ARVCF: variants seen among roughly 807,000 people sequenced by gnomAD.
ARVCF encodes ARVCF delta catenin family member.
A neutral mutation model predicts 90.9 loss-of-function variants in ARVCF; 66 were observed. The observed-to-expected ratio is 0.73, with a 90% CI of 0.60 to 0.89. ARVCF has a LOEUF of 0.89. ARVCF is among the 40% of genes least tolerant of loss of function. The probability of loss-of-function intolerance (pLI) is 0.00; values close to 1 mark genes in which losing one functional copy is unlikely to be tolerated. For synonymous variants in ARVCF, 653 were observed against 603.4 expected, an observed-to-expected ratio of 1.08 and a Z score of -1.21; for missense variants, 1,469 against 1,382.3, an observed-to-expected ratio of 1.06 and a Z score of -1.00.
At chr22:19,987,131 G>C (rs7292055) in intron 3 of ARVCF, 1 of 499,484 alleles carries the variant, frequency 2.0e-6, no homozygotes, top group South Asian at 2.8e-5. Context: ...AGCAGCGGGG[G>C]AGGCGGTGGC....
chr22:20,014,627 T>C (rs1462279976), intron 1 of ARVCF, among the ~76,000 whole-genome samples: 1 of 152,118 alleles, frequency 6.6e-6, no homozygotes, highest in Admixed American at 6.6e-5. Flanking sequence ...ACCCCCACCC[T>C]CCATTCCTGG....
At chr22:19,973,913 A>T in intron 12 of ARVCF, 120 bp from the exon 13 acceptor site, 1 of 1,490,148 alleles carries the variant, frequency 6.7e-7, no homozygotes, top group Non-Finnish European at 9.0e-7. Context: ...GCCCTACCCC[A>T]AAAGCTCAAC....
intron 5 of ARVCF, 123 bp from the exon 6 acceptor site, chr22:19,980,365 T>C: frequency 7.4e-7 from 1 of 1,357,264 alleles, no homozygotes; most frequent in African/African-American, 1.5e-5. Flanking sequence ...TGAGAGCACC[T>C]GTATCTTGGC....
intron 2 of ARVCF, among the ~76,000 whole-genome samples, chr22:19,993,482 GCCCAGGAGGGCC>G (rs1279185700): frequency 6.6e-6 from 1 of 152,238 alleles, no homozygotes; most frequent in Admixed American, 6.5e-5. Flanking sequence ...TTTTGCTAGA[GCCCAGGAGGGCC>G]CTGGGGGAAG....
At chr22:19,989,159 G>C (rs1943932086) in intron 3 of ARVCF, among the ~76,000 whole-genome samples, 1 of 151,974 alleles carries the variant, frequency 6.6e-6, no homozygotes, top group Non-Finnish European at 1.5e-5. Context: ...CAAGTTTGAG[G>C]GTAGAGGCCT....
rs1264783142 is a variant in ARVCF at position 19,980,073 on chromosome 22, G to A, written c.1066C>T (p.Arg356Trp). 22 of 1,581,574 alleles carry A rather than the reference G, an allele frequency of 1.4e-5. No individual in the cohort carries two copies. The highest frequency in any genetic ancestry group is 4.0e-5 in the African/African-American group (3 of 74,270). ...VDSARKEPRW[R>W]DPELPEVLAM... is the part of the protein sequence containing the mutation. ...AGCACCTCAGGCAGCTCAGGGTCCCGCCAGCGCGGCTCCTTGCGGGCGCTA... is the reference window on the plus strand; with the variant it reads ...AGCACCTCAGGCAGCTCAGGGTCCCACCAGCGCGGCTCCTTGCGGGCGCTA... Residue 356 changes from arginine (R) to tryptophan (W), a missense_variant, in exon 6 of 20, where the codon CGG (arginine) becomes TGG (tryptophan). Arg to Trp is a moderately radical substitution (Grantham distance 101). Coordinates refer to ENST00000263207, the MANE Select transcript of ARVCF (RefSeq NM_001670.3).
intron 2 of ARVCF, among the ~76,000 whole-genome samples, chr22:19,993,217 T>C (rs1265998542): frequency 6.6e-6 from 1 of 151,976 alleles, no homozygotes; most frequent in Admixed American, 6.5e-5. Context: ...CAACCCGGGA[T>C]ATGCTCCAGG....
chr22:19,966,881 T>G (rs1190383413), downstream of ARVCF: 1 of 957,474 alleles, frequency 1.0e-6, no homozygotes, highest in Non-Finnish European at 1.2e-6. Context: ...GTGGGCCAGA[T>G]GAAAACCACC....
chr22:19,973,174 G>A lies in ARVCF; in HGVS notation c.2383C>T (p.Arg795Cys), dbSNP rs1942936904. ...ACCCCGCGTGCCTGCAGGAGCGAGC[G>A]CGCGTTATCCAGGCTGTCGGACACG... ...EIVSDSLDNARSLLQARGVPA... is the reference protein window; with the variant it reads ...EIVSDSLDNACSLLQARGVPA... The change falls in exon 14 of 20, where the codon CGC (arginine) becomes TGC (cysteine). Residue 795 changes from arginine (R) to cysteine (C), a missense_variant. Arg to Cys is a radical substitution (Grantham distance 180). Coordinates refer to ENST00000263207, the MANE Select transcript of ARVCF (RefSeq NM_001670.3). 6.2e-7 allele frequency: 1 copy of A among 1,610,668 alleles called. No individual in the cohort carries two copies. The highest frequency in any genetic ancestry group is 8.5e-7 in the Non-Finnish European group (1 of 1,179,160).
At chr22:20,014,693 T>C (rs1944958798) in intron 1 of ARVCF, among the ~76,000 whole-genome samples, 1 of 152,134 alleles carries the variant, frequency 6.6e-6, no homozygotes, top group African/African-American at 2.4e-5. Flanking sequence ...TGTCACTCCC[T>C]CTGCCAGGGC....
intron 10 of ARVCF, 112 bp downstream of exon 10, chr22:19,976,594 C>G (rs565238562): frequency 7.2e-7 from 1 of 1,385,416 alleles, no homozygotes; most frequent in Non-Finnish European, 9.9e-7. Context: ...GATGGCAGCC[C>G]GAGTGATGAA....
chr22:20,003,739 T>C (rs973711538), intron 2 of ARVCF, among the ~76,000 whole-genome samples: 5 of 152,220 alleles, frequency 3.3e-5, no homozygotes, highest in African/African-American at 1.2e-4. Context: ...ATGAAAGCTA[T>C]ATGTGAAAAG....
In ARVCF at chr22:19,980,194, C is replaced by T; in HGVS notation, c.945G>A (p.Arg315=). ...ADDGGELADE[R]PAFPMVTAPL... is the part of the protein sequence containing the mutation. ...GCGCCGTCACCATTGGGAACGCAGG[C>T]CGCTCGTCCGCCAGCTCGCCGCCAT... The change falls in exon 6 of 20, where the codon CGG becomes CGA. Residue 315 remains arginine, a synonymous_variant. Coordinates refer to ENST00000263207, the MANE Select transcript of ARVCF (RefSeq NM_001670.3). The T allele has an allele frequency of 6.4e-7, 1 of 1,553,936 alleles. No individual in the cohort carries two copies.
intron 8 of ARVCF, 41 bp from the exon 9 acceptor site, chr22:19,977,627 C>G (rs757633131): frequency 8.0e-6 from 12 of 1,492,180 alleles, no homozygotes; most frequent in Non-Finnish European, 1.1e-5. Flanking sequence ...GCACCCTAGG[C>G]ACAGGGCTGG....
At chr22:20,001,405 C>T (rs1386898260) in intron 2 of ARVCF, among the ~76,000 whole-genome samples, 7 of 152,186 alleles carry the variant, frequency 4.6e-5, no homozygotes, top group South Asian at 2.1e-4. Flanking sequence ...CTCAGGAAGC[C>T]GCTTCCCGCT....
At chr22:19,980,475 C>T in intron 5 of ARVCF, 1 of 550,026 alleles carries the variant, frequency 1.8e-6, no homozygotes, top group Non-Finnish European at 2.9e-6. Flanking sequence ...AGGACCCAGG[C>T]AACCCTCCCA....
rs758998715 is a variant in ARVCF at position 19,977,542 on chromosome 22, G to A, written c.1743C>T (p.His581=). 45 of 1,588,578 alleles carry A rather than the reference G, an allele frequency of 2.8e-5. No individual in the cohort carries two copies. Among genetic ancestry groups the A allele is most frequent in the East Asian group, 6.8e-5 (3 of 43,958 alleles). The change falls in exon 9 of 20, where the codon CAC becomes CAT. Residue 581 remains histidine (H), a synonymous_variant. Transcript: ENST00000263207. ...CGGCCCCGGGCACCTCCTTGTGCAC[G>A]TGGTAGGACAGGTTCCGCATGATGC... The part of the protein sequence containing the change: ...CVCIMRNLSY[H]VHKEVPGADR...
At position 19,981,222 on chromosome 22, in the gene ARVCF, G is replaced by T. The variant is rs761892341; in HGVS notation, c.885C>A (p.Gly295=). 7 of 1,543,580 alleles carry T rather than the reference G, an allele frequency of 4.5e-6. No individual in the cohort carries two copies. Among genetic ancestry groups the T allele is most frequent in the Non-Finnish European group, 6.1e-6 (7 of 1,143,250 alleles). Residue 295 remains glycine (G), a synonymous_variant, in exon 5 of 20, where the codon GGC becomes GGA. Transcript: ENST00000263207. Reference sequence around the variant, plus strand: ...GGGGTGCAGCTCACCTGGTATGAAGGCCCCGCCCACACTCAGGCCTCCTCC... The same window carrying T: ...GGGGTGCAGCTCACCTGGTATGAAGTCCCCGCCCACACTCAGGCCTCCTCC... ...ATRRRPECGR[G]LHTRAYEDTA...
Position 19,971,299 on chromosome 22 carries a change from T to C in ARVCF, c.2818A>G (p.Ser940Gly). 1.3e-6 allele frequency: 2 copies of C among 1,556,272 alleles called. No individual in the cohort carries two copies. ...TCCACCAGCCTGACCGCGGGCCTGC[T>C]GGGCCCGGGGGGAGGGGCCTTCCTG... The part of the protein sequence containing the change: ...PSRKAPPPGP[S>G]RPAVRLVDAV... Residue 940 changes from serine to glycine, a missense_variant, in exon 19 of 20, where the codon AGC becomes GGC. Transcript: ENST00000263207.
Sources: allele counts gnomAD v4.1 joint callset (sites outside exome capture counted in the v4.1 genomes callset), GRCh38; gene constraint gnomAD v4.1.1; transcripts MANE v1.5; gene names NCBI Gene and HGNC (gene_info 2026-07-23, HGNC 2026-07-21).